Variants in NR2C1 observed in about 807,000 individuals in gnomAD.
NR2C1 encodes the protein nuclear receptor subfamily 2 group C member 1.
A neutral mutation model predicts 74.8 loss-of-function variants in NR2C1; 33 were observed. That is an observed-to-expected ratio of 0.44 (90% CI 0.33 to 0.59). The LOEUF (loss-of-function observed/expected upper bound fraction) is 0.59, where lower values mean the gene tolerates loss of function less well. Among genes scored for constraint, NR2C1 ranks in the 20% least tolerant of loss-of-function variants. The pLI is 0.02. For synonymous variants in NR2C1, 225 were observed against 240.6 expected (o/e 0.94, Z 0.60); for missense variants, 568 against 715.6 (o/e 0.79, Z 2.35).
intron 11 of NR2C1, among the ~76,000 whole-genome samples, chr12:95,029,451 G>A (rs984846133): frequency 1.3e-5 from 2 of 151,386 alleles, no homozygotes; most frequent in Admixed American, 1.3e-4. Flanking sequence ...TGCTTTTGGG[G>A]AAAAAACTAT....
At chr12:95,070,194 C>T (rs1876391858) in intron 1 of NR2C1, among the ~76,000 whole-genome samples, 1 of 151,802 alleles carries the variant, frequency 6.6e-6, no homozygotes, top group Admixed American at 6.6e-5. Context: ...TGCAGTGGTG[C>T]AATCTCGGCT....
At chr12:95,029,091 AT>A (rs1433002959) in intron 11 of NR2C1, among the ~76,000 whole-genome samples, 1 of 152,046 alleles carries the variant, frequency 6.6e-6, no homozygotes, top group African/African-American at 2.4e-5. Context: ...GTTTATATTT[AT>A]TTTTCTTGAG....
At chr12:95,058,516 TAAA>T (rs754416639) in intron 4 of NR2C1, 27 bp from the exon 5 acceptor site, 3 of 1,569,684 alleles carry the variant, frequency 1.9e-6, no homozygotes, top group Non-Finnish European at 2.6e-6. Context: ...TAAGAAAATA[TAAA>T]AGTCACATTA....
At chr12:95,063,180 C>T (rs1258072478) in intron 2 of NR2C1, among the ~76,000 whole-genome samples, 1 of 152,114 alleles carries the variant, frequency 6.6e-6, no homozygotes, top group African/African-American at 2.4e-5. Context: ...GAGACAGTAA[C>T]AGAATGAGGG....
intron 13 of NR2C1, among the ~76,000 whole-genome samples, chr12:95,024,666 C>T (rs1003511207): frequency 6.6e-6 from 1 of 152,132 alleles, no homozygotes; most frequent in Non-Finnish European, 1.5e-5. Flanking sequence ...AGTATGATCA[C>T]AGCTCATTGC....
intron 8 of NR2C1, 127 bp downstream of exon 8, chr12:95,051,635 G>C: frequency 2.6e-6 from 2 of 771,548 alleles, no homozygotes; most frequent in Non-Finnish European, 4.0e-6. Context: ...TAATCAACCT[G>C]TATTTAGATA....
chr12:95,021,732 TG>T lies in NR2C1; in HGVS notation c.*496del, dbSNP rs978500522. On this transcript the variant is annotated 3_prime_UTR_variant, in exon 14 of 14. Transcript: ENST00000333003. ...CAATTATTTCCTATAGTTCTAATACTGTCATTATACCAGTAAGCATAAAATA... is the reference window on the plus strand; with the variant it reads ...CAATTATTTCCTATAGTTCTAATACTTCATTATACCAGTAAGCATAAAATA... 1.3e-5 allele frequency: 2 copies of T among 152,546 alleles called. No individual in the cohort carries two copies. Among genetic ancestry groups the T allele is most frequent in the African/African-American group, 4.8e-5 (2 of 41,450 alleles). The allele number at this position is 152,546 out of a possible 1,614,324, so 9.4% of individuals were successfully genotyped here.
intron 13 of NR2C1, among the ~76,000 whole-genome samples, chr12:95,023,655 T>C (rs1869017715): frequency 6.6e-6 from 1 of 152,200 alleles, no homozygotes; most frequent in African/African-American, 2.4e-5. Flanking sequence ...AAATGATCCC[T>C]GCCAATTTCT....
intron 2 of NR2C1, among the ~76,000 whole-genome samples, chr12:95,063,135 G>A (rs1015235450): frequency 4.6e-5 from 7 of 152,166 alleles, no homozygotes; most frequent in African/African-American, 1.7e-4. Flanking sequence ...ATTGTCATGC[G>A]GTACTAAATG....
chr12:95,042,711 T>C (rs1394124238), intron 9 of NR2C1, among the ~76,000 whole-genome samples: 1 of 152,158 alleles, frequency 6.6e-6, no homozygotes, highest in African/African-American at 2.4e-5. Flanking sequence ...CAATTAATAG[T>C]TGAAATTCTG....
intron 10 of NR2C1, among the ~76,000 whole-genome samples, chr12:95,036,021 C>T (rs145507243): frequency 2.6e-5 from 4 of 152,264 alleles, no homozygotes; most frequent in Non-Finnish European, 4.4e-5. Context: ...CCTTTATGCT[C>T]CTTTAAACCT....
At chr12:95,055,952 C>CAAAAAAAAA (rs3048563) in intron 7 of NR2C1, among the ~76,000 whole-genome samples, 1 of 56,512 alleles carries the variant, frequency 1.8e-5, no homozygotes, top group Non-Finnish European at 3.3e-5. Context: ...GACTCCGTCT[C>CAAAAAAAAA]AAAAAAAAAA....
At chr12:95,068,498 G>C (rs1876072318) in intron 1 of NR2C1, among the ~76,000 whole-genome samples, 1 of 151,786 alleles carries the variant, frequency 6.6e-6, no homozygotes, top group Middle Eastern at 3.2e-3. Context: ...CTAAAGACAA[G>C]AAAATCTACA....
intron 7 of NR2C1, among the ~76,000 whole-genome samples, chr12:95,056,443 G>A (rs1250255132): frequency 6.6e-6 from 1 of 152,022 alleles, no homozygotes; most frequent in Non-Finnish European, 1.5e-5. Flanking sequence ...TAGACCCTTG[G>A]TCTAACATAG....
At chr12:95,028,830 T>C (rs1327905397) in intron 11 of NR2C1, among the ~76,000 whole-genome samples, 1 of 152,126 alleles carries the variant, frequency 6.6e-6, no homozygotes, top group Non-Finnish European at 1.5e-5. Flanking sequence ...GGTTTCACTA[T>C]GTTGCCCAGG....
intron 13 of NR2C1, among the ~76,000 whole-genome samples, chr12:95,024,026 A>T (rs57217993): frequency 0.013 from 1,988 of 152,246 alleles, 43 homozygotes; most frequent in African/African-American, 0.046. Flanking sequence ...TACTCCTCAA[A>T]TTACTTAGCA....
intron 2 of NR2C1, among the ~76,000 whole-genome samples, chr12:95,064,050 A>C (rs1592790684): frequency 7.8e-6 from 1 of 127,736 alleles, no homozygotes; most frequent in East Asian, 2.3e-4. Flanking sequence ...AAAAAAGGGG[A>C]TGGACACAGT....
intron 12 of NR2C1, among the ~76,000 whole-genome samples, chr12:95,026,034 CG>C (rs879491177): frequency 1.3e-5 from 2 of 151,402 alleles, no homozygotes; most frequent in Non-Finnish European, 2.9e-5. Flanking sequence ...GGTGAAACCC[CG>C]TCTCTACTAA....
chr12:95,027,668 G>A (rs1361973432), intron 12 of NR2C1, among the ~76,000 whole-genome samples: 16 of 152,156 alleles, frequency 1.1e-4, no homozygotes, highest in Admixed American at 5.9e-4. Flanking sequence ...CACAGGAGGC[G>A]GAGGTTGCAG....
Sources: gnomAD v4.1 joint callset for allele counts (sites outside exome capture counted in the v4.1 genomes callset) on GRCh38, gnomAD v4.1.1 for gene constraint, MANE v1.5 for transcripts, NCBI Gene and HGNC (gene_info 2026-07-23, HGNC 2026-07-21) for gene names.